The following SYT9 variants were observed in gnomAD, a reference collection of about 807,000 sequenced individuals.
The protein encoded by SYT9 is synaptotagmin 9.
SYT9 carries 22 observed loss-of-function variants against 48.4 expected under a neutral mutation model. The observed-to-expected ratio is 0.45, with a 90% CI of 0.32 to 0.65. The LOEUF (loss-of-function observed/expected upper bound fraction) is 0.65, where lower values mean the gene tolerates loss of function less well. Among genes scored for constraint, SYT9 ranks in the 30% least tolerant of loss-of-function variants. The pLI, the probability that SYT9 is intolerant of heterozygous loss-of-function variation, is 0.03. For missense variants in SYT9, 577 were observed against 622.0 expected, an observed-to-expected ratio of 0.93 and a Z score of 0.77; for synonymous variants, 265 against 245.0, an observed-to-expected ratio of 1.08 and a Z score of -0.76.
intron 1 of SYT9, among the ~76,000 whole-genome samples, chr11:7,261,940 A>T (rs10839751): frequency 0.47 from 71,459 of 151,928 alleles, 16,920 homozygotes; most frequent in African/African-American, 0.52. Flanking sequence ...GCAAGTTTTA[A>T]CAGAAGAGAG....
chr11:7,450,098 C>A (rs953526605), intron 6 of SYT9, among the ~76,000 whole-genome samples: 3 of 152,230 alleles, frequency 2.0e-5, no homozygotes, highest in Non-Finnish European at 4.4e-5. Context: ...GCTGTACAGG[C>A]ATCCCCAGTT....
chr11:7,444,590 T>C (rs1028606343), intron 6 of SYT9: 1 of 152,198 alleles, frequency 6.6e-6, no homozygotes, highest in Non-Finnish European at 1.5e-5. Context: ...TATATAATTT[T>C]GAAGGCACTG....
chr11:7,445,945 G>A (rs1022947506), intron 6 of SYT9, among the ~76,000 whole-genome samples: 2 of 152,206 alleles, frequency 1.3e-5, no homozygotes, highest in Non-Finnish European at 1.5e-5. Flanking sequence ...TACTGTACAC[G>A]GTACGTGGCT....
intron 3 of SYT9, among the ~76,000 whole-genome samples, chr11:7,402,786 T>A (rs1846920013): frequency 6.6e-6 from 1 of 152,174 alleles, no homozygotes; most frequent in Non-Finnish European, 1.5e-5. Flanking sequence ...TCTGACCATT[T>A]CTCTTCTTTC....
chr11:7,330,489 T>C (rs903658498), intron 3 of SYT9, among the ~76,000 whole-genome samples: 1 of 152,052 alleles, frequency 6.6e-6, no homozygotes, highest in Non-Finnish European at 1.5e-5. Flanking sequence ...TAAAAATCAC[T>C]TTTTGAGGAG....
At chr11:7,429,695 C>T (rs1320474987) in intron 6 of SYT9, among the ~76,000 whole-genome samples, 2 of 152,144 alleles carry the variant, frequency 1.3e-5, no homozygotes, top group African/African-American at 2.4e-5. Context: ...GAGATCAGCT[C>T]TTCTGCCTGG....
intron 1 of SYT9, among the ~76,000 whole-genome samples, chr11:7,263,728 A>C (rs886938066): frequency 6.6e-6 from 1 of 152,062 alleles, no homozygotes; most frequent in South Asian, 2.1e-4. Flanking sequence ...ATTTAATAAC[A>C]TGAAGGCTAA....
chr11:7,399,059 A>T (rs1846822909), intron 3 of SYT9, among the ~76,000 whole-genome samples: 1 of 152,186 alleles, frequency 6.6e-6, no homozygotes, highest in Non-Finnish European at 1.5e-5. Context: ...TAAAAATATT[A>T]TGGAAAATGT....
chr11:7,333,972 C>T (rs781036744), intron 3 of SYT9, among the ~76,000 whole-genome samples: 30 of 152,198 alleles, frequency 2.0e-4, no homozygotes, highest in Non-Finnish European at 3.5e-4. Flanking sequence ...GCAGAGGAAA[C>T]GTAGGCAAGC....
chr11:7,391,735 T>TAAAAAAAA lies in SYT9; in HGVS notation c.1045-24284_1045-24277dup, dbSNP rs71059104. ...GGACAACATGGTAAAACCCCATCTC[T>TAAAAAAAA]AAAAAAAAAAAAAAAAAAAAAAAAA... On this transcript the variant is annotated intron_variant, in intron 3 of 6. Transcript: ENST00000318881. Among the ~76,000 whole-genome samples, 255 of 35,950 alleles carry TAAAAAAAA rather than the reference T, an allele frequency of 7.1e-3. 14 individuals are homozygous for TAAAAAAAA. The highest frequency in any genetic ancestry group is 0.023 in the African/African-American group (242 of 10,712). The allele number at this position is 35,950 out of a possible 152,430, so 23.6% of individuals were successfully genotyped here.
At chr11:7,332,510 C>T (rs1266954755) in intron 3 of SYT9, among the ~76,000 whole-genome samples, 1 of 152,152 alleles carries the variant, frequency 6.6e-6, no homozygotes, top group Non-Finnish European at 1.5e-5. Context: ...GTTATGGGAA[C>T]ATAGGTGGGA....
At chr11:7,294,060 C>G (rs1401364927) in intron 1 of SYT9, among the ~76,000 whole-genome samples, 2 of 152,064 alleles carry the variant, frequency 1.3e-5, no homozygotes, top group Non-Finnish European at 2.9e-5. Context: ...AATTCAAAAC[C>G]AAGGCACCAG....
chr11:7,394,238 T>G (rs1433949275), intron 3 of SYT9, among the ~76,000 whole-genome samples: 1 of 152,156 alleles, frequency 6.6e-6, no homozygotes, highest in Non-Finnish European at 1.5e-5. Context: ...TGTGATAGTT[T>G]GCTGAGAATG....
At chr11:7,347,772 G>A (rs553640702) in intron 3 of SYT9, among the ~76,000 whole-genome samples, 7 of 152,268 alleles carry the variant, frequency 4.6e-5, no homozygotes, top group African/African-American at 1.4e-4. Context: ...ATTGAGACAG[G>A]GATCAAGAAC....
rs1226438231 is a variant in SYT9, at chr11:7,407,365, T to C, written c.1045-8677T>C. Among the ~76,000 whole-genome samples the C allele has an allele frequency of 3.0e-3, 83 of 27,458 alleles. 7 individuals are homozygous for C. Among genetic ancestry groups the C allele is most frequent in the African/African-American group, 6.3e-3 (18 of 2,868 alleles). 18.0% of individuals were successfully genotyped at this position (27,458 alleles called of 152,430 possible). On this transcript the variant is annotated intron_variant, in intron 3 of 6. Coordinates refer to ENST00000318881, the MANE Select transcript of SYT9 (RefSeq NM_175733.4). ...GTCTTATGTTTAAGTCTATAATTTT[T>C]TTTTTTTTTTTTTTTTTTTTTTTTT...
chr11:7,368,898 G>A (rs753523375), intron 3 of SYT9, among the ~76,000 whole-genome samples: 3 of 152,076 alleles, frequency 2.0e-5, no homozygotes, highest in Non-Finnish European at 2.9e-5. Flanking sequence ...GGGCATTTGG[G>A]TGGTTCTAAG....
At chr11:7,381,862 G>A (rs1250605070) in intron 3 of SYT9, among the ~76,000 whole-genome samples, 1 of 152,186 alleles carries the variant, frequency 6.6e-6, no homozygotes, top group Non-Finnish European at 1.5e-5. Flanking sequence ...TAGGATACAA[G>A]CAGCTTCCTA....
intron 6 of SYT9, chr11:7,439,708 C>A (rs1271339824): frequency 6.6e-6 from 1 of 152,230 alleles, no homozygotes; most frequent in African/African-American, 2.4e-5. Flanking sequence ...CAGAGCCCAC[C>A]CTGGAACATG....
upstream of SYT9, among the ~76,000 whole-genome samples, chr11:7,250,798 C>CTAAGAATGATAGTT (rs1847853892): frequency 6.6e-6 from 1 of 152,072 alleles, no homozygotes; most frequent in Admixed American, 6.5e-5. Context: ...GTAGAGACGG[C>CTAAGAATGATAGTT]ACAACCTCAT....
Sources: gnomAD v4.1 joint callset for allele counts (sites outside exome capture counted in the v4.1 genomes callset) on GRCh38, gnomAD v4.1.1 for gene constraint, MANE v1.5 for transcripts, NCBI Gene and HGNC (gene_info 2026-07-23, HGNC 2026-07-21) for gene names.